Variants in CADM3 observed in about 807,000 individuals in gnomAD.
CADM3 encodes cell adhesion molecule 3.
A neutral mutation model predicts 44.9 loss-of-function variants in CADM3; 11 were observed. That is an observed-to-expected ratio of 0.25 (90% CI 0.15 to 0.41). The LOEUF (loss-of-function observed/expected upper bound fraction) is 0.41. CADM3 is among the 10% of genes least tolerant of loss of function. The pLI is 1.00. For missense variants in CADM3, 426 were observed against 512.0 expected (o/e 0.83, Z 1.62); for synonymous variants, 207 against 205.2 (o/e 1.01, Z -0.08).
At chr1:159,171,898 CGAGGCG>C (rs1648824048) in intron 1 of CADM3, 45 bp downstream of exon 1, 2 of 1,177,714 alleles carry the variant, frequency 1.7e-6, no homozygotes, top group African/African-American at 1.6e-5. Context: ...GGGAGTGACC[CGAGGCG>C]GGGGCTGGGA....
chr1:159,199,762 G>A lies in CADM3; in HGVS notation c.964G>A (p.Val322Met), dbSNP rs945248335. Residue 322 changes from valine (V) to methionine (M), a missense_variant, in exon 8 of 9, where the codon GTG (valine) becomes ATG (methionine). By Grantham distance (21) the Val-to-Met change is conservative (BLOSUM62 1). Around this residue, in one of 2 missense-constraint regions of CADM3, gnomAD observed 362 missense variants for 474.6 expected, o/e 0.76. Coordinates refer to ENST00000368125, the MANE Select transcript of CADM3 (RefSeq NM_001127173.3). ...YTLNVNDPSP[V>M]PSSSSTYHAI... is the part of the protein sequence containing the mutation. Reference sequence around the variant, plus strand: ...GCCCTTTCTTCCAGACCCCAGTCCGGTGCCCTCCTCCTCCAGCACCTACCA... The same window carrying A: ...GCCCTTTCTTCCAGACCCCAGTCCGATGCCCTCCTCCTCCAGCACCTACCA... 1 of 1,613,938 alleles carries A rather than the reference G, an allele frequency of 6.2e-7. No individual in the cohort carries two copies.
intron 5 of CADM3, 139 bp from the exon 6 acceptor site, chr1:159,196,225 A>G (rs1649884676): frequency 1.6e-6 from 1 of 626,370 alleles, no homozygotes; most frequent in Non-Finnish European, 2.9e-6. Context: ...GTTCATGAGA[A>G]GTAGGAGAAG....
In CADM3 at chr1:159,189,732, A is replaced by G. The variant is rs749160970; in HGVS notation, c.89-2204A>G. The G allele has an allele frequency of 1.1e-5, 15 of 1,417,658 alleles. No individual in the cohort carries two copies. In the South Asian group the frequency reaches 1.8e-4, roughly 17 times the overall value. 87.8% of individuals were successfully genotyped at this position (1,417,658 alleles called of 1,614,324 possible). A position where few individuals can be genotyped will look rare whatever the true frequency, so the allele number is the denominator to read the frequency against. ...GTAGAGCCCCACACTGTAGCAGGAT[A>G]CATGTAGGGCTCATGCTTGATGGAG... On this transcript the variant is annotated intron_variant, in intron 1 of 8. Transcript: ENST00000368125.
chr1:159,192,549 C>T (rs867156364), intron 2 of CADM3, 29 bp from the exon 3 acceptor site: 1 of 1,614,018 alleles, frequency 6.2e-7, no homozygotes. Flanking sequence ...CAGTAAAATC[C>T]TAGCTTTCCA....
intron 1 of CADM3, among the ~76,000 whole-genome samples, chr1:159,191,015 A>C (rs34670849): frequency 0.014 from 2,105 of 152,300 alleles, 20 homozygotes; most frequent in Non-Finnish European, 0.022. Context: ...AGGAAATCAG[A>C]ATCCATGCTG....
intron 1 of CADM3, among the ~76,000 whole-genome samples, chr1:159,189,366 G>T (rs2102117308): frequency 6.6e-6 from 1 of 152,308 alleles, no homozygotes; most frequent in Non-Finnish European, 1.5e-5. Flanking sequence ...GGAGCAGAAA[G>T]AATTCTGGAT....
intron 1 of CADM3, among the ~76,000 whole-genome samples, chr1:159,174,872 C>T (rs927186923): frequency 6.6e-6 from 1 of 152,216 alleles, no homozygotes; most frequent in Non-Finnish European, 1.5e-5. Flanking sequence ...TGGGCTCTTC[C>T]TTCTGAAGTT....
chr1:159,194,610 TTA>T (rs1649814482), intron 5 of CADM3: 1 of 152,260 alleles, frequency 6.6e-6, no homozygotes, highest in Non-Finnish European at 1.5e-5. Context: ...GTTTAACAAT[TTA>T]TGATTTCAAG....
intron 1 of CADM3, among the ~76,000 whole-genome samples, chr1:159,172,676 G>T (rs1648862897): frequency 6.6e-6 from 1 of 152,154 alleles, no homozygotes; most frequent in South Asian, 2.1e-4. Flanking sequence ...AATTTGGGAT[G>T]GGGTAGCATA....
At chr1:159,195,103 T>A (rs1172675920) in intron 5 of CADM3, 1 of 152,186 alleles carries the variant, frequency 6.6e-6, no homozygotes, top group Non-Finnish European at 1.5e-5. Flanking sequence ...CTTAGACCCA[T>A]TACTCAAACT....
rs1171212877 is a variant in CADM3, at chr1:159,201,764, G to C, written c.*842G>C. 1 of 152,602 alleles carries C rather than the reference G, an allele frequency of 6.6e-6. No homozygotes were observed. Among genetic ancestry groups the C allele is most frequent in the Non-Finnish European group, 1.5e-5 (1 of 68,084 alleles). The allele number at this position is 152,602 out of a possible 1,614,324, so 9.5% of individuals were successfully genotyped here. Reference sequence around the variant, plus strand: ...GTGGCTGCCCCTCCTTGCTCCAGCAGCAGTGGGAGAGGCACTGCTCTGGGG... The same window carrying C: ...GTGGCTGCCCCTCCTTGCTCCAGCACCAGTGGGAGAGGCACTGCTCTGGGG... On this transcript the variant is annotated 3_prime_UTR_variant, in exon 9 of 9. Coordinates refer to ENST00000368125, the MANE Select transcript of CADM3 (RefSeq NM_001127173.3).
chr1:159,186,416 T>C (rs1649420460), intron 1 of CADM3, among the ~76,000 whole-genome samples: 1 of 152,210 alleles, frequency 6.6e-6, no homozygotes, highest in African/African-American at 2.4e-5. Flanking sequence ...TCACTAATGG[T>C]TGTATGGTCT....
chr1:159,179,294 A>C (rs565414407), intron 1 of CADM3, among the ~76,000 whole-genome samples: 1 of 152,314 alleles, frequency 6.6e-6, no homozygotes, highest in East Asian at 1.9e-4. Context: ...TAAGAAAGCT[A>C]AATAACTTAA....
chr1:159,171,733 A>T lies in CADM3; in HGVS notation c.-33A>T. 1 of 1,223,018 alleles carries T rather than the reference A, an allele frequency of 8.2e-7. No homozygotes were observed. The allele number at this position is 1,223,018 out of a possible 1,614,324, so 75.8% of individuals were successfully genotyped here. A position where few individuals can be genotyped will look rare whatever the true frequency, so the allele number is the denominator to read the frequency against. On this transcript the variant is annotated 5_prime_UTR_variant, in exon 1 of 9. Coordinates refer to ENST00000368125, the MANE Select transcript of CADM3 (RefSeq NM_001127173.3). ...CAGCCCCCGGGGATTCAGGCTCGCCAGCGCCCAGCCAGGGAGCCGGCCGGG... is the reference window on the plus strand; with the variant it reads ...CAGCCCCCGGGGATTCAGGCTCGCCTGCGCCCAGCCAGGGAGCCGGCCGGG...
At chr1:159,189,969 T>A in intron 1 of CADM3, 3 of 792,472 alleles carry the variant, frequency 3.8e-6, no homozygotes, top group Non-Finnish European at 6.3e-6. Context: ...ATGTTCTCAC[T>A]CCTCTCATTA....
In CADM3 at chr1:159,171,854, G is replaced by T; in HGVS notation, c.88+1G>T. 8.1e-7 allele frequency: 1 copy of T among 1,241,562 alleles called. No homozygotes were observed. The highest frequency in any genetic ancestry group is 1.0e-6 in the Non-Finnish European group (1 of 990,982). The allele number at this position is 1,241,562 out of a possible 1,614,324, so 76.9% of individuals were successfully genotyped here. On this transcript the variant is annotated splice_donor_variant, in intron 1 of 8. Coordinates refer to ENST00000368125, the MANE Select transcript of CADM3 (RefSeq NM_001127173.3). LOFTEE classifies it high-confidence loss of function. The stretch of plus-strand genomic sequence containing the variant: ...GGCGGGGCCAACCTCTCCCAGGACG[G>T]TGAGTGAGGGAGGGGGCGGCGCCTG...
At chr1:159,177,644 C>CAAACACATGACA (rs1649076193) in intron 1 of CADM3, among the ~76,000 whole-genome samples, 1 of 152,100 alleles carries the variant, frequency 6.6e-6, no homozygotes, top group Non-Finnish European at 1.5e-5. Flanking sequence ...TGTTCCACCA[C>CAAACACATGACA]AAACACATGA....
intron 1 of CADM3, among the ~76,000 whole-genome samples, chr1:159,190,624 A>C (rs34741690): frequency 6.6e-6 from 1 of 152,212 alleles, no homozygotes; most frequent in African/African-American, 2.4e-5. Context: ...AGTCGATGCT[A>C]TCAGTCAATA....
intron 1 of CADM3, among the ~76,000 whole-genome samples, chr1:159,182,898 A>G (rs1431205883): frequency 6.6e-6 from 1 of 152,162 alleles, no homozygotes; most frequent in Non-Finnish European, 1.5e-5. Context: ...GTTAAGAATA[A>G]TTGTTTTTCA....
Sources: gnomAD v4.1 joint callset for allele counts (sites outside exome capture counted in the v4.1 genomes callset) on GRCh38, gnomAD v4.1.1 for gene constraint, gnomAD v4.1.1 regional missense constraint, MANE v1.5 for transcripts, NCBI Gene and HGNC (gene_info 2026-07-23, HGNC 2026-07-21) for gene names.